LRRN1: variants seen among roughly 807,000 people sequenced by gnomAD.
LRRN1 encodes the protein leucine rich repeat neuronal 1, also known as leucine-rich repeat neuronal protein 1.
Under a neutral mutation model 45.8 loss-of-function variants are expected in LRRN1, and 14 were observed. The ratio of observed to expected loss-of-function variants is 0.31; its 90% CI spans 0.20 to 0.48. LRRN1 has a LOEUF of 0.48. Among genes scored for constraint, LRRN1 ranks in the 20% least tolerant of loss-of-function variants. The pLI, the probability that LRRN1 is intolerant of heterozygous loss-of-function variation, is 0.99. For synonymous variants in LRRN1, 359 were observed against 330.1 expected (o/e 1.09, Z -0.95); for missense variants, 789 against 874.2 (o/e 0.90, Z 1.23).
chr3:3,847,323 T>C lies in LRRN1; in HGVS notation c.*531T>C, dbSNP rs1290247523. 1 of 166,932 alleles carries C rather than the reference T, an allele frequency of 6.0e-6. No individual in the cohort carries two copies. Among genetic ancestry groups the C allele is most frequent in the Non-Finnish European group, 1.5e-5 (1 of 68,146 alleles). 10.3% of individuals were successfully genotyped at this position (166,932 alleles called of 1,614,324 possible). On this transcript the variant is annotated 3_prime_UTR_variant, in exon 2 of 2. Coordinates refer to ENST00000319331, the MANE Select transcript of LRRN1 (RefSeq NM_020873.7). ...TGAATGATGTTAGTTGACTGTACTG[T>C]AATGTTGTATCAACTGAATTGAATG...
chr3:3,802,312 A>G (rs975460229), intron 1 of LRRN1, among the ~76,000 whole-genome samples: 9 of 152,196 alleles, frequency 5.9e-5, no homozygotes, highest in African/African-American at 2.2e-4. Flanking sequence ...AGGCGATTAT[A>G]TTAATACCTA....
chr3:3,805,367 A>AT (rs1344501914), intron 1 of LRRN1, among the ~76,000 whole-genome samples: 2 of 152,236 alleles, frequency 1.3e-5, no homozygotes, highest in Non-Finnish European at 2.9e-5. Context: ...CACAATAGTG[A>AT]TAAGTCTTAG....
Position 3,845,313 on chromosome 3 carries a change from A to G in LRRN1, c.672A>G (p.Gly224=). The change falls in exon 2 of 2, where the codon GGA becomes GGG. Residue 224 remains glycine, a synonymous_variant. Coordinates refer to ENST00000319331, the MANE Select transcript of LRRN1 (RefSeq NM_020873.7). This position sits in a 1 kb window ranked among gnomAD's most constrained non-coding sequence, Gnocchi z 6.5. The part of the protein sequence containing the change: ...LANLRSLVLA[G]MYLTDIPGNA... ...ATTTGAGAAGCTTAGTTTTGGCAGGAATGTATCTCACTGATATTCCTGGAA... is the reference window on the plus strand; with the variant it reads ...ATTTGAGAAGCTTAGTTTTGGCAGGGATGTATCTCACTGATATTCCTGGAA... 1 of 1,614,084 alleles carries G rather than the reference A, an allele frequency of 6.2e-7. No homozygotes were observed. Among genetic ancestry groups the G allele is most frequent in the Non-Finnish European group, 8.5e-7 (1 of 1,180,022 alleles).
In LRRN1 at chr3:3,845,263, G is replaced by T; in HGVS notation, c.622G>T (p.Asp208Tyr). 6.2e-7 allele frequency: 1 copy of T among 1,614,150 alleles called. No individual in the cohort carries two copies. The highest frequency in any genetic ancestry group is 8.5e-7 in the Non-Finnish European group (1 of 1,180,044). Residue 208 changes from aspartate (D) to tyrosine (Y), a missense_variant, in exon 2 of 2, where the codon GAT becomes TAT. Physicochemically the swap from Asp to Tyr is radical, Grantham distance 160. Coordinates refer to ENST00000319331, the MANE Select transcript of LRRN1 (RefSeq NM_020873.7). The surrounding 1 kb of genome is among the most constrained non-coding windows in gnomAD (Gnocchi z 6.5). ...AGAAAACCCTGTGATTGGAATTCTG[G>T]ATATGAACTTCAAACCCCTCGCAAA... ...IGENPVIGIL[D>Y]MNFKPLANLR...
chr3:3,845,811 C>T lies in LRRN1; in HGVS notation c.1170C>T (p.Arg390=), dbSNP rs1273225176. Residue 390 remains arginine (R), a synonymous_variant, in exon 2 of 2, where the codon CGC becomes CGT. Transcript: ENST00000319331. This position sits in a 1 kb window ranked among gnomAD's most constrained non-coding sequence, Gnocchi z 6.5. The stretch of plus-strand genomic sequence containing the variant: ...TTAACTCCAACAAAACCAACATCCG[C>T]TTCATGGAGCCCCTGTCCATGTTCT... The part of the protein sequence containing the change: ...HWINSNKTNI[R]FMEPLSMFCA... The T allele has an allele frequency of 2.5e-6, 4 of 1,614,022 alleles. No homozygotes were observed. Among genetic ancestry groups the T allele is most frequent in the Non-Finnish European group, 2.5e-6 (3 of 1,180,038 alleles).
intron 1 of LRRN1, among the ~76,000 whole-genome samples, chr3:3,832,906 C>T (rs1195819081): frequency 6.6e-6 from 1 of 152,224 alleles, no homozygotes; most frequent in East Asian, 1.9e-4. Flanking sequence ...CAGAGCTCTA[C>T]ATGAGTCAGA....
At chr3:3,812,600 C>G (rs1452419105) in intron 1 of LRRN1, among the ~76,000 whole-genome samples, 1 of 152,116 alleles carries the variant, frequency 6.6e-6, no homozygotes, top group Admixed American at 6.5e-5. Context: ...GCATCCTATA[C>G]CGAAGAGATA....
At chr3:3,836,443 T>C (rs1459400389) in intron 1 of LRRN1, among the ~76,000 whole-genome samples, 2 of 152,244 alleles carry the variant, frequency 1.3e-5, no homozygotes, top group African/African-American at 4.8e-5. Flanking sequence ...CTATTCACGC[T>C]ATTGTGAATG....
At chr3:3,840,900 A>G (rs141070171) in intron 1 of LRRN1, among the ~76,000 whole-genome samples, 38 of 152,364 alleles carry the variant, frequency 2.5e-4, no homozygotes, top group African/African-American at 8.9e-4. Context: ...CTATAGCCCC[A>G]TAAAGGCTAT....
In LRRN1 at chr3:3,844,606, G is replaced by T. The variant is rs1423311613; in HGVS notation, c.-36G>T. 1 of 1,519,084 alleles carries T rather than the reference G, an allele frequency of 6.6e-7. No individual in the cohort carries two copies. Among genetic ancestry groups the T allele is most frequent in the African/African-American group, 1.4e-5 (1 of 72,360 alleles). 94.1% of individuals were successfully genotyped at this position (1,519,084 alleles called of 1,614,324 possible). A position where few individuals can be genotyped will look rare whatever the true frequency, so the allele number is the denominator to read the frequency against. ...AGTGTTCACGTTTTGTTAAAACTTT[G>T]GGGTGTCAGGAGTTGAGCTTGCTCA... On this transcript the variant is annotated 5_prime_UTR_variant, in exon 2 of 2. Transcript: ENST00000319331.
rs773362540 is a variant in LRRN1, at chr3:3,846,462, G to T, written c.1821G>T (p.Lys607Asn). 6 of 1,614,134 alleles carry T rather than the reference G, an allele frequency of 3.7e-6. No individual in the cohort carries two copies. In the Admixed American group the frequency reaches 5.0e-5, roughly 13 times the overall value. ...TVSNIHQQTQKSCVNVTTKNA... is the reference protein window; with the variant it reads ...TVSNIHQQTQNSCVNVTTKNA... Reference sequence around the variant, plus strand: ...CCAATATTCATCAGCAGACTCAAAAGTCATGCGTAAATGTCACAACCAAAA... The same window carrying T: ...CCAATATTCATCAGCAGACTCAAAATTCATGCGTAAATGTCACAACCAAAA... The change falls in exon 2 of 2, where the codon AAG becomes AAT. Residue 607 changes from lysine (K) to asparagine (N), a missense_variant. By Grantham distance (94) the Lys-to-Asn change is moderately conservative (BLOSUM62 0). Coordinates refer to ENST00000319331, the MANE Select transcript of LRRN1 (RefSeq NM_020873.7). This position sits in a 1 kb window ranked among gnomAD's most constrained non-coding sequence, Gnocchi z 5.7.
intron 1 of LRRN1, among the ~76,000 whole-genome samples, chr3:3,814,915 T>G (rs1376068801): frequency 6.6e-6 from 1 of 152,174 alleles, no homozygotes; most frequent in African/African-American, 2.4e-5. Flanking sequence ...GTCTCAGGTA[T>G]TTTAATATAG....
chr3:3,799,852 T>C lies in LRRN1; in HGVS notation c.-346T>C, dbSNP rs1222915942. Reference sequence around the variant, plus strand: ...GTCTTTCTCCTCCTCCTGCTGCTGCTGCCGCCGCCGCCGCCGTGGGTGCCG... The same window carrying C: ...GTCTTTCTCCTCCTCCTGCTGCTGCCGCCGCCGCCGCCGCCGTGGGTGCCG... On this transcript the variant is annotated 5_prime_UTR_variant, in exon 1 of 2. Transcript: ENST00000319331. The C allele has an allele frequency of 3.1e-5, 5 of 163,448 alleles. No homozygotes were observed. The highest frequency in any genetic ancestry group is 5.3e-5 in the Non-Finnish European group (4 of 75,966). 10.1% of individuals were successfully genotyped at this position (163,448 alleles called of 1,614,324 possible). A position where few individuals can be genotyped will look rare whatever the true frequency, so the allele number is the denominator to read the frequency against.
chr3:3,841,479 G>A (rs1180548612), intron 1 of LRRN1, among the ~76,000 whole-genome samples: 1 of 151,892 alleles, frequency 6.6e-6, no homozygotes, highest in African/African-American at 2.4e-5. Context: ...ATAAATTTGT[G>A]GAGTTAATAA....
chr3:3,806,958 A>C (rs914356020), intron 1 of LRRN1, among the ~76,000 whole-genome samples: 1 of 152,164 alleles, frequency 6.6e-6, no homozygotes, highest in Non-Finnish European at 1.5e-5. Flanking sequence ...ATAAGACCTG[A>C]GACTCCTGTC....
At chr3:3,800,547 ACCT>A (rs1184436106) in intron 1 of LRRN1, among the ~76,000 whole-genome samples, 1 of 151,898 alleles carries the variant, frequency 6.6e-6, no homozygotes, top group Non-Finnish European at 1.5e-5. Context: ...GCGGGGACAG[ACCT>A]CAGCCCGTGA....
Position 3,816,259 on chromosome 3 carries a change from G to A in LRRN1, c.-279+16340G>A, listed in dbSNP as rs1692985405. Among the ~76,000 whole-genome samples the A allele has an allele frequency of 6.6e-6, 1 of 152,066 alleles. No individual in the cohort carries two copies. The highest frequency in any genetic ancestry group is 2.4e-5 in the African/African-American group (1 of 41,404). ...CACTAATGTGCACTGGTGGATTTAT[G>A]GTTTCCAGGTCATCGATGATCTGAG... On this transcript the variant is annotated intron_variant, in intron 1 of 1. Coordinates refer to ENST00000319331, the MANE Select transcript of LRRN1 (RefSeq NM_020873.7). This position sits in a 1 kb window ranked among gnomAD's most constrained non-coding sequence, Gnocchi z 4.0.
intron 1 of LRRN1, among the ~76,000 whole-genome samples, chr3:3,824,091 C>T (rs1006941792): frequency 6.6e-6 from 1 of 152,200 alleles, no homozygotes; most frequent in African/African-American, 2.4e-5. Flanking sequence ...GACTCAGAAC[C>T]AGACAGCATT....
intron 1 of LRRN1, among the ~76,000 whole-genome samples, chr3:3,823,851 C>T (rs890462408): frequency 1.2e-4 from 19 of 152,142 alleles, no homozygotes; most frequent in African/African-American, 4.3e-4. Context: ...AGAAGTGCTG[C>T]TTAATGGGTA....
Sources: gnomAD v4.1 joint callset for allele counts (sites outside exome capture counted in the v4.1 genomes callset) on GRCh38, gnomAD v4.1.1 for gene constraint, Gnocchi (gnomAD v3.1) non-coding constraint, MANE v1.5 for transcripts, NCBI Gene and HGNC (gene_info 2026-07-23, HGNC 2026-07-21) for gene names.